The following ANTXRL variants were observed in gnomAD, a reference collection of about 807,000 sequenced individuals.
The protein encoded by ANTXRL is ANTXR like.
ANTXRL carries 63 observed loss-of-function variants against 75.4 expected under a neutral mutation model. The observed-to-expected ratio is 0.84, with a 90% confidence interval of 0.68 to 1.03. ANTXRL has a LOEUF of 1.03. ANTXRL is among the 50% of genes least tolerant of loss of function. ANTXRL has a pLI of 0.00. For synonymous variants in ANTXRL, 335 were observed against 291.3 expected (o/e 1.15, Z -1.53); for missense variants, 797 against 789.4 (o/e 1.01, Z -0.12).
intron 1 of ANTXRL, among the ~76,000 whole-genome samples, chr10:46,287,793 C>T (rs782786104): frequency 6.6e-5 from 10 of 152,162 alleles, no homozygotes; most frequent in Non-Finnish European, 1.3e-4. Flanking sequence ...CTCATCCTCA[C>T]GCTGCTGCAA....
chr10:46,323,657 T>C (rs1476301548), intron 16 of ANTXRL, among the ~76,000 whole-genome samples: 1 of 152,160 alleles, frequency 6.6e-6, no homozygotes, highest in East Asian at 1.9e-4. Flanking sequence ...CTGGGTCTAA[T>C]TGCAGACTGG....
At chr10:46,301,862 G>A (rs10906945) in intron 9 of ANTXRL, among the ~76,000 whole-genome samples, 59,171 of 151,888 alleles carry the variant, frequency 0.39, 11,289 homozygotes, top group African/African-American at 0.52. Flanking sequence ...ATTGGAATGC[G>A]TGGGGCCTGG....
At chr10:46,306,477 A>G (rs1385230824) in intron 10 of ANTXRL, among the ~76,000 whole-genome samples, 1 of 151,716 alleles carries the variant, frequency 6.6e-6, no homozygotes, top group Non-Finnish European at 1.5e-5. Flanking sequence ...TGGTTCCCTC[A>G]CCTCCTCTGG....
chr10:46,292,025 C>T (rs2132645581), intron 1 of ANTXRL, 33 bp from the exon 2 acceptor site: 1 of 1,530,588 alleles, frequency 6.5e-7, no homozygotes. Context: ...GAGATGCACT[C>T]ATCTCCCTGA....
chr10:46,304,258 A>G (rs1837935626), intron 10 of ANTXRL, among the ~76,000 whole-genome samples: 1 of 152,170 alleles, frequency 6.6e-6, no homozygotes, highest in Non-Finnish European at 1.5e-5. Flanking sequence ...TGTATGTGTC[A>G]ATCAGAACAA....
At chr10:46,311,215 G>C (rs1423854576) in intron 14 of ANTXRL, among the ~76,000 whole-genome samples, 1 of 152,130 alleles carries the variant, frequency 6.6e-6, no homozygotes, top group Non-Finnish European at 1.5e-5. Context: ...TCTGCAACCA[G>C]GTGGATACGG....
chr10:46,289,849 A>G (rs1268509895), intron 1 of ANTXRL, among the ~76,000 whole-genome samples: 2 of 152,098 alleles, frequency 1.3e-5, no homozygotes, highest in Non-Finnish European at 2.9e-5. Flanking sequence ...GAGTTTGCCT[A>G]TTGTAGGTAC....
In ANTXRL at chr10:46,301,199, A is replaced by G. The variant is rs541185100; in HGVS notation, c.797-1523A>G. On this transcript the variant is annotated intron_variant, in intron 9 of 16. Coordinates refer to ENST00000620264, the MANE Select transcript of ANTXRL (RefSeq NM_001278688.3). ...TCCCTCCCGGGCACACACTGAGCCT[A>G]GTGTCTGGCTGGCCAGGGCTTTTTG... 3.3e-3 allele frequency among the ~76,000 whole-genome samples: 500 copies of G among 152,320 alleles called. 3 individuals carry two copies. The highest frequency in any genetic ancestry group is 0.011 in the African/African-American group (468 of 41,568).
chr10:46,315,072 T>G (rs1838648579), intron 16 of ANTXRL, among the ~76,000 whole-genome samples: 1 of 152,210 alleles, frequency 6.6e-6, no homozygotes, highest in Admixed American at 6.5e-5. Flanking sequence ...TCTTTAAGCC[T>G]TCGGTGTGCT....
chr10:46,314,847 C>T (rs1453209952), intron 16 of ANTXRL, among the ~76,000 whole-genome samples: 1 of 152,122 alleles, frequency 6.6e-6, no homozygotes, highest in Non-Finnish European at 1.5e-5. Context: ...GTGGCTGCCT[C>T]CAGGCTATCA....
chr10:46,323,909 C>A (rs1554966021), intron 16 of ANTXRL, among the ~76,000 whole-genome samples: 1 of 152,096 alleles, frequency 6.6e-6, no homozygotes, highest in Non-Finnish European at 1.5e-5. Context: ...AAATTTGCAA[C>A]CCAGGATCCT....
intron 2 of ANTXRL, 94 bp downstream of exon 2, chr10:46,292,223 G>A (rs782021698): frequency 9.9e-5 from 121 of 1,223,322 alleles, no homozygotes; most frequent in Admixed American, 2.8e-4. Context: ...TGGGGTGGGC[G>A]TGGGAGTCCT....
chr10:46,298,577 G>A (rs1317837202), intron 9 of ANTXRL, among the ~76,000 whole-genome samples: 2 of 151,604 alleles, frequency 1.3e-5, no homozygotes, highest in African/African-American at 4.9e-5. Context: ...GGTCTTGTGG[G>A]AGTGTGTGGG....
chr10:46,327,446 A>G (rs546135863), intron 16 of ANTXRL, among the ~76,000 whole-genome samples: 9 of 152,160 alleles, frequency 5.9e-5, no homozygotes, highest in African/African-American at 7.2e-5. Context: ...CAGGAGCCCA[A>G]TCGGGCATGA....
intron 3 of ANTXRL, among the ~76,000 whole-genome samples, chr10:46,295,028 G>A (rs1837283244): frequency 6.6e-6 from 1 of 152,152 alleles, no homozygotes; most frequent in Non-Finnish European, 1.5e-5. Context: ...AGCCCATTCT[G>A]TCTGCTTTAA....
chr10:46,298,754 ATG>A (rs1458325184), intron 9 of ANTXRL, among the ~76,000 whole-genome samples: 2 of 143,802 alleles, frequency 1.4e-5, no homozygotes, highest in Non-Finnish European at 3.0e-5. Flanking sequence ...TTTTTGGTGT[ATG>A]TGTGTTTGCT....
rs1554962241 is a variant in ANTXRL at position 46,307,481 on chromosome 10, G to C, written c.1044+1G>C. ...TGTCAGCATCACCAGCACCACATGT[G>C]TGAGTACCAGCATGGGGCTGCAAAC... On this transcript the variant is annotated splice_donor_variant, in intron 12 of 16. Transcript: ENST00000620264. LOFTEE classifies it high-confidence loss of function. The C allele has an allele frequency of 6.5e-7, 1 of 1,535,726 alleles. No homozygotes were observed. The highest frequency in any genetic ancestry group is 8.7e-7 in the Non-Finnish European group (1 of 1,146,284).
intron 14 of ANTXRL, among the ~76,000 whole-genome samples, chr10:46,311,067 C>A (rs781824042): frequency 6.6e-6 from 1 of 152,018 alleles, no homozygotes; most frequent in African/African-American, 2.4e-5. Context: ...TCACCTGGGT[C>A]GGGGACCCAC....
rs1408224723 is a variant in ANTXRL at position 46,307,251 on chromosome 10, C to T, written c.966-151C>T. 13 of 667,066 alleles carry T rather than the reference C, an allele frequency of 1.9e-5. No individual in the cohort carries two copies. In the African/African-American group the frequency reaches 2.3e-4, roughly 12 times the overall value. 41.3% of individuals were successfully genotyped at this position (667,066 alleles called of 1,614,324 possible). On this transcript the variant is annotated intron_variant, in intron 11 of 16. Transcript: ENST00000620264. ...ATGGCATGAGACCCCATGCAGGGCC[C>T]CTCACTGTCTGACCCACTTACCCTT...
Sources: allele counts gnomAD v4.1 joint callset (sites outside exome capture counted in the v4.1 genomes callset), GRCh38; gene constraint gnomAD v4.1.1; transcripts MANE v1.5; gene names NCBI Gene and HGNC (gene_info 2026-07-23, HGNC 2026-07-21).